The following PRTN3 variants were observed in gnomAD, a reference collection of about 807,000 sequenced individuals.
The protein encoded by PRTN3 is proteinase 3.
In PRTN3, 22 loss-of-function variants were observed where a neutral mutation model predicts 20.7. That is an observed-to-expected ratio of 1.06 (90% CI 0.76 to 1.52). PRTN3 has a LOEUF of 1.52. Ranked by LOEUF, PRTN3 falls within the 40% of genes most tolerant of loss-of-function variation. The probability of loss-of-function intolerance (pLI) is 0.00; values close to 1 mark genes in which losing one functional copy is unlikely to be tolerated. For synonymous variants in PRTN3, 173 were observed against 152.9 expected (o/e 1.13, Z -0.97); for missense variants, 378 against 359.6 (o/e 1.05, Z -0.41).
chr19:847,979 C>G lies in PRTN3; in HGVS notation c.*10C>G. On this transcript the variant is annotated 3_prime_UTR_variant, in exon 5 of 5. Coordinates refer to ENST00000234347, the MANE Select transcript of PRTN3 (RefSeq NM_002777.4). ...CAAGGGCCGCCCCTGAACCGCCCCT[C>G]CCACAGCGCTGGCCGGGACCCCGAG... 6.3e-7 allele frequency: 1 copy of G among 1,592,834 alleles called. No individual in the cohort carries two copies. The highest frequency in any genetic ancestry group is 1.1e-5 in the South Asian group (1 of 88,424).
In PRTN3 at chr19:848,040, G is replaced by A; in HGVS notation, c.*71G>A. 1 of 1,505,526 alleles carries A rather than the reference G, an allele frequency of 6.6e-7. No individual in the cohort carries two copies. Among genetic ancestry groups the A allele is most frequent in the Non-Finnish European group, 8.9e-7 (1 of 1,123,818 alleles). 93.3% of individuals were successfully genotyped at this position (1,505,526 alleles called of 1,614,324 possible). ...AACCCTCGAGGCGGATCTTTGGACA[G>A]AAGCAGCTCTTCCCCGAACACTGTG... On this transcript the variant is annotated 3_prime_UTR_variant, in exon 5 of 5. Transcript: ENST00000234347.
In PRTN3 at chr19:846,349, T is replaced by C; in HGVS notation, c.572T>C (p.Val191Ala). Residue 191 changes from valine to alanine, a missense_variant, in exon 4 of 5, where the codon GTC becomes GCC. By Grantham distance (64) the Val-to-Ala change is moderately conservative. Coordinates refer to ENST00000234347, the MANE Select transcript of PRTN3 (RefSeq NM_002777.4). ...FCRPHNICTFVPRRKAGICFG... is the reference protein window; with the variant it reads ...FCRPHNICTFAPRRKAGICFG... ...CGGCCACATAACATTTGCACTTTCG[T>C]CCCTCGCCGCAAGGCCGGCATCTGC... 1 of 1,568,626 alleles carries C rather than the reference T, an allele frequency of 6.4e-7. No individual in the cohort carries two copies. The highest frequency in any genetic ancestry group is 1.2e-5 in the South Asian group (1 of 85,014).
intron 1 of PRTN3, among the ~76,000 whole-genome samples, chr19:842,757 T>C (rs1402822158): frequency 6.6e-6 from 1 of 151,378 alleles, no homozygotes; most frequent in Non-Finnish European, 1.5e-5. Flanking sequence ...CCAGCTAATG[T>C]TTGTATTTTT....
chr19:843,902 C>T lies in PRTN3; in HGVS notation c.237C>T (p.Arg79=). The T allele has an allele frequency of 6.3e-7, 1 of 1,593,216 alleles. No individual in the cohort carries two copies. The highest frequency in any genetic ancestry group is 8.5e-7 in the Non-Finnish European group (1 of 1,171,074). The stretch of plus-strand genomic sequence containing the variant: ...CACCCCACCCCCGCAGACCCCAGCG[C>T]CTGGTGAACGTGGTGCTCGGAGCCC... ...AAHCLRDIPQ[R]LVNVVLGAHN... The change falls in exon 3 of 5, where the codon CGC becomes CGT. Residue 79 remains arginine, a synonymous_variant. Transcript: ENST00000234347.
chr19:847,113 C>A (rs1362910333), intron 4 of PRTN3, among the ~76,000 whole-genome samples: 1 of 152,170 alleles, frequency 6.6e-6, no homozygotes, highest in African/African-American at 2.4e-5. Context: ...CAAGACCAGC[C>A]TGGGCAACAT....
chr19:847,486 GAGAT>G (rs1262159100), intron 4 of PRTN3, among the ~76,000 whole-genome samples: 3 of 145,608 alleles, frequency 2.1e-5, no homozygotes, highest in East Asian at 2.0e-4. Context: ...AAGAAAGAAA[GAGAT>G]AGAGAGAGAA....
intron 1 of PRTN3, among the ~76,000 whole-genome samples, chr19:843,100 A>T (rs1047418972): frequency 6.6e-6 from 1 of 151,410 alleles, no homozygotes; most frequent in Non-Finnish European, 1.5e-5. Context: ...TTTTTTGTAG[A>T]GATGGGGTCC....
At position 844,125 on chromosome 19, in the gene PRTN3, C is replaced by T. The variant is rs981917970; in HGVS notation, c.369+91C>T. The stretch of plus-strand genomic sequence containing the variant: ...GCAGCCAGCATTCATTGAGCACCCA[C>T]TGTATACCGGGCCACGACCGAGGCC... On this transcript the variant is annotated intron_variant, in intron 3 of 4. Coordinates refer to ENST00000234347, the MANE Select transcript of PRTN3 (RefSeq NM_002777.4). The T allele has an allele frequency of 5.5e-6, 8 of 1,467,854 alleles. No homozygotes were observed. The Middle Eastern group carries it at 6.5e-4, about 120-fold the overall frequency. 90.9% of individuals were successfully genotyped at this position (1,467,854 alleles called of 1,614,324 possible). A position where few individuals can be genotyped will look rare whatever the true frequency, so the allele number is the denominator to read the frequency against.
intron 4 of PRTN3, 139 bp downstream of exon 4, chr19:846,516 A>C: frequency 5.6e-6 from 5 of 887,816 alleles, no homozygotes; most frequent in South Asian, 1.7e-5. Context: ...GGCACACCCA[A>C]CACCCAACGG....
rs1436984795 is a variant in PRTN3, at chr19:846,487, TCTCCCCAC to T, written c.600+113_600+120del. 4 of 1,142,242 alleles carry T rather than the reference TCTCCCCAC, an allele frequency of 3.5e-6. No individual in the cohort carries two copies. In the African/African-American group the frequency reaches 4.8e-5, roughly 14 times the overall value. 70.8% of individuals were successfully genotyped at this position (1,142,242 alleles called of 1,614,324 possible). On this transcript the variant is annotated intron_variant, in intron 4 of 4. Transcript: ENST00000234347. ...TGTGTGGCTTCATGCTGTGCCTCAG[TCTCCCCAC>T]CTGGAAGGTGGGCACACCCAACACC...
At chr19:844,561 C>T (rs1306347948) in intron 3 of PRTN3, among the ~76,000 whole-genome samples, 1 of 144,004 alleles carries the variant, frequency 6.9e-6, no homozygotes, top group East Asian at 2.0e-4. Flanking sequence ...TGCTGTTCCC[C>T]CAGAAAGCCA....
intron 4 of PRTN3, among the ~76,000 whole-genome samples, chr19:847,144 A>G (rs1424235909): frequency 2.0e-5 from 3 of 152,214 alleles, no homozygotes; most frequent in South Asian, 2.1e-4. Context: ...CATCTCTACA[A>G]ATAATTTAAA....
At chr19:844,331 T>TCTCCCC (rs2035489058) in intron 3 of PRTN3, among the ~76,000 whole-genome samples, 1 of 22,048 alleles carries the variant, frequency 4.5e-5, no homozygotes, top group Non-Finnish European at 7.3e-5. Context: ...CGCCTCTCCC[T>TCTCCCC]TGCCCGCCCC....
chr19:843,699 C>T (rs958216179), intron 2 of PRTN3, 73 bp downstream of exon 2: 16 of 1,502,294 alleles, frequency 1.1e-5, no homozygotes, highest in African/African-American at 2.8e-5. Flanking sequence ...GCCACTGTCC[C>T]TCTGCCCGGG....
At chr19:841,199 C>G (rs889936654) in intron 1 of PRTN3, 130 bp downstream of exon 1, 88 of 1,224,622 alleles carry the variant, frequency 7.2e-5, no homozygotes, top group Non-Finnish European at 9.7e-5. Flanking sequence ...AGGGGAGACT[C>G]CACTCACTGC....
At position 848,002 on chromosome 19, in the gene PRTN3, G is replaced by A. The variant is rs202082725; in HGVS notation, c.*33G>A. 9.5e-5 allele frequency: 150 copies of A among 1,571,132 alleles called. No homozygotes were observed. The highest frequency in any genetic ancestry group is 1.2e-4 in the Non-Finnish European group (138 of 1,160,200). On this transcript the variant is annotated 3_prime_UTR_variant, in exon 5 of 5. Transcript: ENST00000234347. ...CTCCCACAGCGCTGGCCGGGACCCC[G>A]AGCCTGGCTCCAAACCCTCGAGGCG... is the stretch of plus-strand genomic sequence containing the variant.
chr19:845,403 C>T (rs572593186), intron 3 of PRTN3, among the ~76,000 whole-genome samples: 2 of 151,590 alleles, frequency 1.3e-5, no homozygotes, highest in South Asian at 4.2e-4. Context: ...AGCAAGACCC[C>T]ATCTCAAAAA....
At chr19:843,654 C>A in intron 2 of PRTN3, 28 bp downstream of exon 2, 1 of 1,516,760 alleles carries the variant, frequency 6.6e-7, no homozygotes, top group Non-Finnish European at 8.8e-7. Flanking sequence ...CACCCCTGTC[C>A]GCCCGCCCCG....
rs745378246 is a variant in PRTN3 at position 843,905 on chromosome 19, G to A, written c.240G>A (p.Leu80=). The A allele has an allele frequency of 1.3e-6, 2 of 1,593,854 alleles. No individual in the cohort carries two copies. The highest frequency in any genetic ancestry group is 2.3e-5 in the South Asian group (2 of 87,512). ...CCCACCCCCGCAGACCCCAGCGCCTGGTGAACGTGGTGCTCGGAGCCCACA... is the reference window on the plus strand; with the variant it reads ...CCCACCCCCGCAGACCCCAGCGCCTAGTGAACGTGGTGCTCGGAGCCCACA... The part of the protein sequence containing the change: ...AHCLRDIPQR[L]VNVVLGAHNV... Residue 80 remains leucine (L), a synonymous_variant, in exon 3 of 5, where the codon CTG becomes CTA. Transcript: ENST00000234347.
Sources: gnomAD v4.1 joint callset for allele counts (sites outside exome capture counted in the v4.1 genomes callset) on GRCh38, gnomAD v4.1.1 for gene constraint, MANE v1.5 for transcripts, NCBI Gene and HGNC (gene_info 2026-07-23, HGNC 2026-07-21) for gene names.